The following SMYD3 variants were observed in gnomAD, a reference collection of about 807,000 sequenced individuals.
SMYD3 encodes the protein histone-lysine N-methyltransferase SMYD3.
Under a neutral mutation model 57.7 loss-of-function variants are expected in SMYD3, and 36 were observed. The ratio of observed to expected loss-of-function variants is 0.62; its 90% confidence interval spans 0.48 to 0.82. SMYD3 has a LOEUF of 0.82. SMYD3 is among the 40% of genes least tolerant of loss of function. The probability of loss-of-function intolerance (pLI) is 0.00; values close to 1 mark genes in which losing one functional copy is unlikely to be tolerated. For synonymous variants in SMYD3, 211 were observed against 195.0 expected, an observed-to-expected ratio of 1.08 and a Z score of -0.68; for missense variants, 515 against 538.8, an observed-to-expected ratio of 0.96 and a Z score of 0.44.
intron 5 of SMYD3, among the ~76,000 whole-genome samples, chr1:246,062,943 A>C (rs528950686): frequency 6.6e-6 from 1 of 152,240 alleles, no homozygotes; most frequent in Admixed American, 6.5e-5. Flanking sequence ...TGGAAAACTT[A>C]CAGCAGAATG....
At chr1:246,332,926 A>G (rs182026574) in intron 3 of SMYD3, among the ~76,000 whole-genome samples, 1 of 152,370 alleles carries the variant, frequency 6.6e-6, no homozygotes, top group East Asian at 1.9e-4. Context: ...TGGCTACACT[A>G]AACAACAGAT....
At chr1:245,986,572 G>C (rs2148094180) in intron 5 of SMYD3, among the ~76,000 whole-genome samples, 1 of 152,292 alleles carries the variant, frequency 6.6e-6, no homozygotes, top group East Asian at 1.9e-4. Flanking sequence ...ATAAATGCCT[G>C]AACTAGCTGA....
chr1:246,192,908 A>G (rs2062763128), intron 5 of SMYD3, among the ~76,000 whole-genome samples: 1 of 151,740 alleles, frequency 6.6e-6, no homozygotes, highest in Non-Finnish European at 1.5e-5. Context: ...GTAAAGTCAA[A>G]AAAAAAAAAG....
intron 1 of SMYD3, among the ~76,000 whole-genome samples, chr1:246,474,453 A>C (rs909744898): frequency 5.9e-5 from 9 of 151,278 alleles, no homozygotes; most frequent in African/African-American, 2.2e-4. Context: ...CGGGAGGCAG[A>C]AGTTGCAGTG....
At chr1:246,465,183 AT>A (rs1256495884) in intron 1 of SMYD3, among the ~76,000 whole-genome samples, 1 of 152,220 alleles carries the variant, frequency 6.6e-6, no homozygotes, top group African/African-American at 2.4e-5. Context: ...CAAGATGGTA[AT>A]TAATAAAAGA....
At chr1:246,182,728 G>A (rs561162414) in intron 5 of SMYD3, among the ~76,000 whole-genome samples, 2 of 152,226 alleles carry the variant, frequency 1.3e-5, no homozygotes, top group East Asian at 3.9e-4. Flanking sequence ...CCTGTATCTG[G>A]AAGACACCTT....
intron 7 of SMYD3, among the ~76,000 whole-genome samples, chr1:245,923,457 T>G (rs2056136133): frequency 6.6e-6 from 1 of 152,154 alleles, no homozygotes; most frequent in South Asian, 2.1e-4. Flanking sequence ...GTGATAAGGC[T>G]CCCATGGGGT....
chr1:246,119,105 C>A (rs2061384739), intron 5 of SMYD3, among the ~76,000 whole-genome samples: 1 of 152,154 alleles, frequency 6.6e-6, no homozygotes, highest in Non-Finnish European at 1.5e-5. Flanking sequence ...ACTGCAGCCT[C>A]AAAATCCAGG....
In SMYD3 at chr1:246,048,164, A is replaced by G. The variant is rs7529658; in HGVS notation, c.532-118227T>C. ...GAATTGCAAATAACCAGTATATAAA[A>G]TGGTCTTCAACCTCAAGAACATGCA... On this transcript the variant is annotated intron_variant, in intron 5 of 11. Coordinates refer to ENST00000490107, the MANE Select transcript of SMYD3 (RefSeq NM_001167740.2). Among the ~76,000 whole-genome samples, 231 of 152,342 alleles carry G rather than the reference A, an allele frequency of 1.5e-3. 3 individuals carry two copies. The highest frequency in any genetic ancestry group is 5.1e-3 in the African/African-American group (211 of 41,578).
At chr1:246,220,037 A>G (rs1374739783) in intron 5 of SMYD3, among the ~76,000 whole-genome samples, 2 of 152,150 alleles carry the variant, frequency 1.3e-5, no homozygotes, top group Non-Finnish European at 2.9e-5. Flanking sequence ...AGGGAAATAT[A>G]CTGCTTCATT....
chr1:246,491,489 G>A (rs370442861), intron 1 of SMYD3, among the ~76,000 whole-genome samples: 5 of 150,850 alleles, frequency 3.3e-5, no homozygotes, highest in East Asian at 3.9e-4. Context: ...GCAGTGAGCC[G>A]AGATCGCACC....
At chr1:245,894,915 G>A (rs1206007968) in intron 8 of SMYD3, among the ~76,000 whole-genome samples, 2 of 152,188 alleles carry the variant, frequency 1.3e-5, no homozygotes, top group African/African-American at 2.4e-5. Context: ...TCTTTTACCC[G>A]AGGTGGACAT....
chr1:246,417,024 C>A (rs1175660254), intron 1 of SMYD3, among the ~76,000 whole-genome samples: 1 of 152,200 alleles, frequency 6.6e-6, no homozygotes, highest in African/African-American at 2.4e-5. Flanking sequence ...AGCTTTGAGA[C>A]ATTACCCGAG....
At chr1:245,775,416 A>G (rs1197473628) in intron 10 of SMYD3, among the ~76,000 whole-genome samples, 2 of 151,934 alleles carry the variant, frequency 1.3e-5, no homozygotes, top group East Asian at 3.9e-4. Context: ...CCTTACCCCC[A>G]ACCCTGTGCT....
intron 10 of SMYD3, among the ~76,000 whole-genome samples, chr1:245,789,508 G>A (rs1278786242): frequency 2.0e-5 from 3 of 152,146 alleles, no homozygotes; most frequent in Non-Finnish European, 2.9e-5. Flanking sequence ...TGAATGATTG[G>A]GGTAATATAA....
Position 246,227,061 on chromosome 1 carries a change from C to T in SMYD3, c.531+100140G>A, listed in dbSNP as rs2063340930. Among the ~76,000 whole-genome samples, 6 of 152,238 alleles carry T rather than the reference C, an allele frequency of 3.9e-5. No individual in the cohort carries two copies. The South Asian group carries it at 8.3e-4, about 21-fold the overall frequency. On this transcript the variant is annotated intron_variant, in intron 5 of 11. Transcript: ENST00000490107. ...TTTTGACATATTAAATTCTAAACCTCAACATTTCAAACAGTCTTAGATCAT... is the reference window on the plus strand; with the variant it reads ...TTTTGACATATTAAATTCTAAACCTTAACATTTCAAACAGTCTTAGATCAT...
At chr1:246,049,539 T>A (rs533766114) in intron 5 of SMYD3, among the ~76,000 whole-genome samples, 2 of 151,722 alleles carry the variant, frequency 1.3e-5, no homozygotes, top group South Asian at 4.2e-4. Flanking sequence ...TCTCCTGACC[T>A]CGTGATCCGC....
chr1:245,756,242 T>C (rs1270296137), intron 11 of SMYD3, among the ~76,000 whole-genome samples: 3 of 151,448 alleles, frequency 2.0e-5, no homozygotes, highest in African/African-American at 7.3e-5. Context: ...ATTTTACCCA[T>C]TGAACTCAAG....
chr1:246,033,824 A>T (rs182262704), intron 5 of SMYD3, among the ~76,000 whole-genome samples: 59 of 152,056 alleles, frequency 3.9e-4, no homozygotes, highest in African/African-American at 1.1e-3. Flanking sequence ...TAAATTAAAA[A>T]TTTTTTTAAA....
Sources: gnomAD v4.1 joint callset for allele counts (sites outside exome capture counted in the v4.1 genomes callset) on GRCh38, gnomAD v4.1.1 for gene constraint, MANE v1.5 for transcripts, NCBI Gene and HGNC (gene_info 2026-07-23, HGNC 2026-07-21) for gene names.